The following TNIK variants were observed in gnomAD, a reference collection of about 807,000 sequenced individuals.
The protein encoded by TNIK is TRAF2 and NCK interacting kinase, also known as TRAF2 and NCK-interacting protein kinase.
In TNIK, 49 loss-of-function variants were observed where a neutral mutation model predicts 191.3. That is an observed-to-expected ratio of 0.26 (90% CI 0.20 to 0.32). The LOEUF is 0.32. TNIK is among the 10% of genes least tolerant of loss of function. The pLI is 1.00. For synonymous variants in TNIK, 594 were observed against 600.9 expected, an observed-to-expected ratio of 0.99 and a Z score of 0.17; for missense variants, 1,155 against 1,702.3, an observed-to-expected ratio of 0.68 and a Z score of 5.66.
intron 2 of TNIK, among the ~76,000 whole-genome samples, chr3:171,257,541 C>G (rs1747038279): frequency 6.6e-6 from 1 of 152,162 alleles, no homozygotes; most frequent in African/African-American, 2.4e-5. Flanking sequence ...ATGCTCATCA[C>G]AGCACTCTGT....
chr3:171,071,017 C>T (rs986169661), intron 29 of TNIK, among the ~76,000 whole-genome samples: 1 of 152,178 alleles, frequency 6.6e-6, no homozygotes, highest in Non-Finnish European at 1.5e-5. Context: ...AGGAGGAGGG[C>T]ATACCCAAAT....
At chr3:171,102,542 C>G (rs1723745957) in intron 21 of TNIK, among the ~76,000 whole-genome samples, 1 of 152,156 alleles carries the variant, frequency 6.6e-6, no homozygotes. Flanking sequence ...TCTGCAAAAG[C>G]ATGGCCGCTC....
rs553555438 is a variant in TNIK at position 171,077,353 on chromosome 3, T to C, written c.3448+2165A>G. 9.9e-5 allele frequency among the ~76,000 whole-genome samples: 15 copies of C among 152,276 alleles called. No homozygotes were observed. The East Asian group carries it at 2.3e-3, about 24-fold the overall frequency. The stretch of plus-strand genomic sequence containing the variant: ...CTGGACTACTAGGTTTAGTTATTTA[T>C]TTTGGTGGAACACATCCTTCAGTTG... On this transcript the variant is annotated intron_variant, in intron 28 of 32. Transcript: ENST00000436636.
intron 7 of TNIK, among the ~76,000 whole-genome samples, chr3:171,179,160 C>T (rs1054103840): frequency 6.6e-6 from 1 of 152,200 alleles, no homozygotes; most frequent in African/African-American, 2.4e-5. Context: ...TTCACAACAC[C>T]ATCATTCTAA....
At chr3:171,247,542 G>A (rs768800296) in intron 2 of TNIK, among the ~76,000 whole-genome samples, 29 of 152,168 alleles carry the variant, frequency 1.9e-4, no homozygotes, top group African/African-American at 3.4e-4. Flanking sequence ...TTCGGGGGCC[G>A]GGTAGACATC....
chr3:171,224,461 G>A (rs1324383829), intron 3 of TNIK, among the ~76,000 whole-genome samples: 1 of 151,170 alleles, frequency 6.6e-6, no homozygotes, highest in Non-Finnish European at 1.5e-5. Context: ...TTATTTACAG[G>A]GTTATCAAAA....
intron 1 of TNIK, among the ~76,000 whole-genome samples, chr3:171,390,194 C>T (rs1719284205): frequency 6.6e-6 from 1 of 152,134 alleles, no homozygotes; most frequent in Admixed American, 6.5e-5. Flanking sequence ...AGTGAGGTGC[C>T]TCTTTCTGCC....
At chr3:171,208,104 G>T (rs979102523) in intron 4 of TNIK, among the ~76,000 whole-genome samples, 2 of 152,180 alleles carry the variant, frequency 1.3e-5, no homozygotes, top group Admixed American at 1.3e-4. Context: ...GCCAAGGCAG[G>T]AGAATTGCTT....
At chr3:171,266,416 T>G (rs1748412579) in intron 2 of TNIK, among the ~76,000 whole-genome samples, 1 of 152,180 alleles carries the variant, frequency 6.6e-6, no homozygotes, top group African/African-American at 2.4e-5. Flanking sequence ...TGGAGGAATC[T>G]TTCCCTCTCA....
chr3:171,143,324 A>G (rs561077256), intron 12 of TNIK, among the ~76,000 whole-genome samples: 1 of 151,842 alleles, frequency 6.6e-6, no homozygotes, highest in Non-Finnish European at 1.5e-5. Flanking sequence ...GAGGGGATAT[A>G]AAAAAAACAT....
chr3:171,066,493 TCAAA>T (rs1369608548), intron 31 of TNIK, 79 bp downstream of exon 31: 2 of 1,356,010 alleles, frequency 1.5e-6, no homozygotes, highest in Non-Finnish European at 1.0e-6. Flanking sequence ...TTTTGTGGAA[TCAAA>T]TGGTTGTTTC....
chr3:171,353,956 C>T (rs1251156506), intron 2 of TNIK, among the ~76,000 whole-genome samples: 3 of 152,074 alleles, frequency 2.0e-5, no homozygotes, highest in African/African-American at 7.2e-5. Flanking sequence ...CCTCTACCCT[C>T]CAAATGCCCC....
chr3:171,410,416 T>A (rs6444986), intron 1 of TNIK, among the ~76,000 whole-genome samples: 4,391 of 152,120 alleles, frequency 0.029, 190 homozygotes, highest in African/African-American at 0.1. Flanking sequence ...AGCATGGAGG[T>A]CTCAGAGTAA....
intron 2 of TNIK, among the ~76,000 whole-genome samples, chr3:171,276,145 T>A (rs372291415): frequency 1.3e-5 from 2 of 152,280 alleles, no homozygotes; most frequent in East Asian, 3.9e-4. Context: ...TCTATATTCA[T>A]CCTAATCATC....
At chr3:171,273,752 G>A (rs1261375843) in intron 2 of TNIK, among the ~76,000 whole-genome samples, 1 of 152,148 alleles carries the variant, frequency 6.6e-6, no homozygotes, top group Non-Finnish European at 1.5e-5. Context: ...AAATAAAAAT[G>A]TGAATAGAGC....
intron 2 of TNIK, among the ~76,000 whole-genome samples, chr3:171,360,342 T>C (rs1714794712): frequency 6.6e-6 from 1 of 152,168 alleles, no homozygotes; most frequent in Admixed American, 6.5e-5. Context: ...TATAAATCAT[T>C]TTGCTAATGG....
At chr3:171,178,743 A>G (rs980403971) in intron 7 of TNIK, among the ~76,000 whole-genome samples, 1 of 152,228 alleles carries the variant, frequency 6.6e-6, no homozygotes, top group Non-Finnish European at 1.5e-5. Flanking sequence ...CCTAATATAG[A>G]TATTTCATTT....
At chr3:171,231,631 G>A (rs1036868177) in intron 2 of TNIK, among the ~76,000 whole-genome samples, 3 of 152,158 alleles carry the variant, frequency 2.0e-5, no homozygotes, top group African/African-American at 7.2e-5. Context: ...AGCATGAGCT[G>A]CCTTTTCTAT....
chr3:171,361,408 A>G (rs1714952515), intron 2 of TNIK, among the ~76,000 whole-genome samples: 2 of 152,214 alleles, frequency 1.3e-5, no homozygotes, highest in South Asian at 4.1e-4. Flanking sequence ...GGCATCTAGC[A>G]CACAGGCACC....
Sources: gnomAD v4.1 joint callset for allele counts (sites outside exome capture counted in the v4.1 genomes callset) on GRCh38, gnomAD v4.1.1 for gene constraint, MANE v1.5 for transcripts, NCBI Gene and HGNC (gene_info 2026-07-23, HGNC 2026-07-21) for gene names.